The following PCM1 variants were observed in gnomAD, a reference collection of about 807,000 sequenced individuals.
PCM1 encodes pericentriolar material 1.
Under a neutral mutation model 241.9 loss-of-function variants are expected in PCM1, and 157 were observed. The observed-to-expected ratio is 0.65, with a 90% CI of 0.57 to 0.74. The LOEUF (loss-of-function observed/expected upper bound fraction) is 0.74, where lower values mean the gene tolerates loss of function less well. Ranked by LOEUF, PCM1 falls within the 30% of genes least tolerant of loss-of-function variation. PCM1 has a pLI of 0.00. For synonymous variants in PCM1, 1,085 were observed against 784.9 expected (o/e 1.38, Z -6.39); for missense variants, 3,478 against 2,360.1 (o/e 1.47, Z -9.81).
chr8:17,946,379 GATT>G (rs772975464), intron 6 of PCM1, among the ~76,000 whole-genome samples: 205 of 152,228 alleles, frequency 1.3e-3, no homozygotes, highest in Non-Finnish European at 2.4e-3. Context: ...TTTTACATAA[GATT>G]ATCAAATAAA....
At chr8:17,973,146 C>T (rs1421055975) in intron 23 of PCM1, among the ~76,000 whole-genome samples, 1 of 152,080 alleles carries the variant, frequency 6.6e-6, no homozygotes, top group Non-Finnish European at 1.5e-5. Flanking sequence ...GGCTTAAGTC[C>T]TTCTGGAAGT....
rs2129478212 is a variant in PCM1, at chr8:17,990,108, T to C, written c.4531+129T>C. The C allele has an allele frequency of 3.2e-6, 2 of 634,830 alleles. 1 individual carries two copies. The highest frequency in any genetic ancestry group is 7.1e-5 in the South Asian group (2 of 28,240). The allele number at this position is 634,830 out of a possible 1,614,324, so 39.3% of individuals were successfully genotyped here. A position where few individuals can be genotyped will look rare whatever the true frequency, so the allele number is the denominator to read the frequency against. On this transcript the variant is annotated intron_variant, in intron 27 of 38. Transcript: ENST00000325083. Reference sequence around the variant, plus strand: ...GTGGTTGAAAGAATGTGGACTTAATTATCTATCAGTCTAAAATCAAGAATC... The same window carrying C: ...GTGGTTGAAAGAATGTGGACTTAATCATCTATCAGTCTAAAATCAAGAATC...
At chr8:17,980,439 C>G (rs1295870435) in intron 23 of PCM1, 152 bp from the exon 24 acceptor site, 3 of 538,868 alleles carry the variant, frequency 5.6e-6, no homozygotes, top group Non-Finnish European at 9.5e-6. Flanking sequence ...AAAGATACCT[C>G]CAAGACATAT....
At chr8:18,016,445 T>G (rs146652481) in intron 36 of PCM1, among the ~76,000 whole-genome samples, 249 of 152,172 alleles carry the variant, frequency 1.6e-3, no homozygotes, top group African/African-American at 5.6e-3. Context: ...AGAGAAGAGT[T>G]AAAGTTACAG....
At chr8:17,999,054 C>T (rs899243870) in intron 29 of PCM1, among the ~76,000 whole-genome samples, 14 of 152,188 alleles carry the variant, frequency 9.2e-5, no homozygotes, top group African/African-American at 2.2e-4. Flanking sequence ...GCAGTGGGCT[C>T]TCCTCTGGCC....
intron 36 of PCM1, among the ~76,000 whole-genome samples, chr8:18,016,167 C>T (rs1264327772): frequency 3.9e-5 from 6 of 152,268 alleles, no homozygotes; most frequent in East Asian, 1.9e-4. Flanking sequence ...GGATTACAGG[C>T]GTGAGCCACC....
At chr8:17,951,455 G>C (rs148284533) in intron 8 of PCM1, among the ~76,000 whole-genome samples, 1 of 152,212 alleles carries the variant, frequency 6.6e-6, no homozygotes, top group African/African-American at 2.4e-5. Context: ...GAAGGAGGTA[G>C]ATGGAAGAAT....
rs548543091 is a variant in PCM1 at position 18,000,915 on chromosome 8, T to C, written c.4828-5348T>C. Among the ~76,000 whole-genome samples, 3 of 152,354 alleles carry C rather than the reference T, an allele frequency of 2.0e-5. No individual in the cohort carries two copies. The East Asian group carries it at 5.8e-4, about 29-fold the overall frequency. On this transcript the variant is annotated intron_variant, in intron 29 of 38. Coordinates refer to ENST00000325083, the MANE Select transcript of PCM1 (RefSeq NM_006197.4). ...CGAGCCACTGTGCCAGCCAAGAGTT[T>C]TATTTTGTACTTTAAAATTGAACTG...
At chr8:18,026,115 G>GAT (rs1311617683) in intron 38 of PCM1, among the ~76,000 whole-genome samples, 1 of 123,330 alleles carries the variant, frequency 8.1e-6, no homozygotes, top group East Asian at 2.7e-4. Flanking sequence ...GGTGAGCTGA[G>GAT]ATAGCGCCAC....
At chr8:17,932,027 T>A (rs1172071640) in intron 2 of PCM1, among the ~76,000 whole-genome samples, 1 of 152,166 alleles carries the variant, frequency 6.6e-6, no homozygotes, top group African/African-American at 2.4e-5. Flanking sequence ...TAAAAAAATT[T>A]ATGTATAATT....
At chr8:17,945,041 A>G (rs1485986642) in intron 6 of PCM1, among the ~76,000 whole-genome samples, 2 of 152,148 alleles carry the variant, frequency 1.3e-5, no homozygotes, top group Non-Finnish European at 2.9e-5. Context: ...TGATCAACCT[A>G]GAGAGATTTT....
intron 2 of PCM1, among the ~76,000 whole-genome samples, chr8:17,931,402 C>T (rs144286071): frequency 0.016 from 2,388 of 152,130 alleles, 36 homozygotes; most frequent in Non-Finnish European, 0.02. Context: ...GATTCTTCTG[C>T]TTCAGCCTCC....
chr8:18,017,795 G>T (rs1424547441), intron 36 of PCM1, among the ~76,000 whole-genome samples: 3 of 152,148 alleles, frequency 2.0e-5, no homozygotes, highest in African/African-American at 4.8e-5. Flanking sequence ...GGAGGTTGTC[G>T]TGAGCCAAAA....
chr8:18,009,466 G>C (rs2092116548), intron 30 of PCM1, 81 bp from the exon 31 acceptor site: 7 of 896,156 alleles, frequency 7.8e-6, no homozygotes, highest in East Asian at 5.3e-5. Context: ...TTAGTTTTAA[G>C]TTTTTCAGTA....
chr8:17,993,718 A>G, intron 29 of PCM1, 99 bp downstream of exon 29: 1 of 981,404 alleles, frequency 1.0e-6, no homozygotes, highest in South Asian at 2.1e-5. Context: ...GTATAGGTAA[A>G]CAACAACAAA....
At chr8:17,976,129 A>G (rs138846219) in intron 23 of PCM1, among the ~76,000 whole-genome samples, 9 of 152,266 alleles carry the variant, frequency 5.9e-5, no homozygotes, top group African/African-American at 1.9e-4. Flanking sequence ...CATGAAATGG[A>G]CGTGAAACAT....
Position 17,991,789 on chromosome 8 carries a change from T to C in PCM1, c.4690+89T>C, listed in dbSNP as rs2084731576. 6 of 947,098 alleles carry C rather than the reference T, an allele frequency of 6.3e-6. No homozygotes were observed. The Admixed American group carries it at 7.0e-5, about 11-fold the overall frequency. The allele number at this position is 947,098 out of a possible 1,614,324, so 58.7% of individuals were successfully genotyped here. On this transcript the variant is annotated intron_variant, in intron 28 of 38. Transcript: ENST00000325083. ...TCTTTAGTGGTGATTTCTGAGATTT[T>C]GGTGCACCCATCGCCTGAGCAGTAT... is the stretch of plus-strand genomic sequence containing the variant.
chr8:18,018,871 TATATATATACAC>T (rs1310615682), intron 36 of PCM1, among the ~76,000 whole-genome samples: 10 of 63,904 alleles, frequency 1.6e-4, no homozygotes, highest in African/African-American at 3.7e-4. Flanking sequence ...TATATATATA[TATATATATACAC>T]ACACATATAC....
chr8:17,957,139 G>A, intron 11 of PCM1, 125 bp from the exon 12 acceptor site: 2 of 695,102 alleles, frequency 2.9e-6, no homozygotes, highest in Non-Finnish European at 4.7e-6. Context: ...TATTCAATTT[G>A]AATTTAAATG....
Sources: gnomAD v4.1 joint callset for allele counts (sites outside exome capture counted in the v4.1 genomes callset) on GRCh38, gnomAD v4.1.1 for gene constraint, MANE v1.5 for transcripts, NCBI Gene and HGNC (gene_info 2026-07-23, HGNC 2026-07-21) for gene names.